Variants in VPS37A observed in about 807,000 individuals in gnomAD.
VPS37A encodes vacuolar protein sorting-associated protein 37A.
Under a neutral mutation model 49.8 loss-of-function variants are expected in VPS37A, and 30 were observed. The ratio of observed to expected loss-of-function variants is 0.60; its 90% CI spans 0.45 to 0.82. The LOEUF is 0.82. Among genes scored for constraint, VPS37A ranks in the 40% least tolerant of loss-of-function variants. The pLI is 0.00. For missense variants in VPS37A, 593 were observed against 464.4 expected (o/e 1.28, Z -2.55); for synonymous variants, 195 against 160.6 (o/e 1.21, Z -1.62).
At chr8:17,309,243 C>T in the VPS37A span, 3 of 1,352,950 alleles carry the variant, frequency 2.2e-6, no homozygotes, top group South Asian at 2.4e-5. Flanking sequence ...TGCTTTTATT[C>T]TAAACATTCA....
At chr8:17,286,620 A>G (rs991809236) in intron 11 of VPS37A, 193 bp downstream of exon 11, 33 of 488,388 alleles carry the variant, frequency 6.8e-5, no homozygotes, top group African/African-American at 5.3e-4. Flanking sequence ...AATCTTTTGG[A>G]TATTTTCTGT....
rs774159110 is a variant in VPS37A, at chr8:17,268,976, A to G, written c.416+20A>G. The G allele has an allele frequency of 6.6e-7, 1 of 1,517,786 alleles. No individual in the cohort carries two copies. Among genetic ancestry groups the G allele is most frequent in the Admixed American group, 2.1e-5 (1 of 47,694 alleles). The allele number at this position is 1,517,786 out of a possible 1,614,324, so 94.0% of individuals were successfully genotyped here. On this transcript the variant is annotated intron_variant, in intron 4 of 11. Coordinates refer to ENST00000324849, the MANE Select transcript of VPS37A (RefSeq NM_152415.3). ...TCCTTAGTAAGTATATTTCTAGTAA[A>G]TAAAAAAGTCTGCCTGTATTTTAAT... is the stretch of plus-strand genomic sequence containing the variant.
At chr8:17,291,028 T>C (rs1286995537) in intron 11 of VPS37A, among the ~76,000 whole-genome samples, 3 of 152,160 alleles carry the variant, frequency 2.0e-5, no homozygotes, top group Non-Finnish European at 4.4e-5. Context: ...GTTGTTGTTG[T>C]TTTGTGATGG....
intron 4 of VPS37A, among the ~76,000 whole-genome samples, chr8:17,273,632 C>T (rs1814225283): frequency 6.6e-6 from 1 of 152,200 alleles, no homozygotes; most frequent in Non-Finnish European, 1.5e-5. Flanking sequence ...TCCCAAAGTG[C>T]TAGGATTACA....
At chr8:17,281,741 T>C (rs1348575509) in intron 9 of VPS37A, among the ~76,000 whole-genome samples, 1 of 152,044 alleles carries the variant, frequency 6.6e-6, no homozygotes, top group Non-Finnish European at 1.5e-5. Flanking sequence ...AGAAATTTTT[T>C]CCTGTTTGCT....
the VPS37A span, among the ~76,000 whole-genome samples, chr8:17,312,066 G>C: frequency 6.6e-6 from 1 of 152,156 alleles, no homozygotes; most frequent in African/African-American, 2.4e-5. Flanking sequence ...TAAAAGGTAA[G>C]CGTCAAGTAA....
chr8:17,261,436 G>A (rs886599129), intron 1 of VPS37A, among the ~76,000 whole-genome samples: 5 of 152,120 alleles, frequency 3.3e-5, no homozygotes, highest in Non-Finnish European at 7.4e-5. Context: ...TGTTCAGAGA[G>A]CTTACATATT....
chr8:17,249,303 G>A (rs1317996871), intron 1 of VPS37A, among the ~76,000 whole-genome samples: 3 of 152,140 alleles, frequency 2.0e-5, no homozygotes, highest in African/African-American at 7.2e-5. Context: ...TCTGGAATTG[G>A]CTTAAGAGGA....
At chr8:17,275,774 C>T (rs1285792705) in intron 5 of VPS37A, among the ~76,000 whole-genome samples, 9 of 152,080 alleles carry the variant, frequency 5.9e-5, no homozygotes, top group Admixed American at 5.9e-4. Flanking sequence ...AAGTATGAAA[C>T]CATAGTATAT....
At chr8:17,259,862 T>A (rs570055140) in intron 1 of VPS37A, among the ~76,000 whole-genome samples, 1 of 152,290 alleles carries the variant, frequency 6.6e-6, no homozygotes, top group South Asian at 2.1e-4. Context: ...ATTTGTAGTC[T>A]GTTTTATTTG....
At chr8:17,301,373 T>G (rs1817101020), downstream of VPS37A, among the ~76,000 whole-genome samples, 1 of 152,168 alleles carries the variant, frequency 6.6e-6, no homozygotes, top group South Asian at 2.1e-4. Flanking sequence ...AGATTTAAAC[T>G]TGGACATTCT....
chr8:17,270,046 G>T (rs966924150), intron 4 of VPS37A, among the ~76,000 whole-genome samples: 4 of 152,142 alleles, frequency 2.6e-5, no homozygotes, highest in African/African-American at 7.2e-5. Context: ...AGTGAGGAGT[G>T]GGGGAGGTAC....
chr8:17,247,793 C>A lies in VPS37A; in HGVS notation c.125+424C>A, dbSNP rs1233130413. ...GTTTCACAAAGAATGGAAAATAGAA[C>A]TGTTGCAACATCAAAGGAAAGGGAA... On this transcript the variant is annotated intron_variant, in intron 1 of 11. Transcript: ENST00000324849. 3 of 702,350 alleles carry A rather than the reference C, an allele frequency of 4.3e-6. No homozygotes were observed. In the Admixed American group the frequency reaches 6.0e-5, roughly 14 times the overall value. 43.5% of individuals were successfully genotyped at this position (702,350 alleles called of 1,614,324 possible).
chr8:17,275,918 T>C (rs1337489920), intron 5 of VPS37A, among the ~76,000 whole-genome samples: 1 of 152,126 alleles, frequency 6.6e-6, no homozygotes, highest in African/African-American at 2.4e-5. Context: ...GTGAACAAAA[T>C]TACAAGAGGA....
At chr8:17,304,309 C>T, downstream of VPS37A, 4 of 1,546,448 alleles carry the variant, frequency 2.6e-6, no homozygotes, top group Non-Finnish European at 2.7e-6. Context: ...ACACTTTGAC[C>T]TCTGAATGTT....
Position 17,276,454 on chromosome 8 carries a change from C to A in VPS37A, c.700C>A (p.Leu234Ile), listed in dbSNP as rs150912414. 423 of 1,611,140 alleles carry A rather than the reference C, an allele frequency of 2.6e-4. No homozygotes were observed. Among genetic ancestry groups the A allele is most frequent in the Non-Finnish European group, 3.1e-4 (365 of 1,178,780 alleles). ...MPDVPDAFPE[L>I]SELSVSQLTD... ...AGATGTCCCTGATGCATTTCCAGAA[C>A]TCTCAGAACTAAGGTAAACCTGGAA... The change falls in exon 6 of 12, where the codon CTC becomes ATC. Residue 234 changes from leucine (L) to isoleucine (I), a missense_variant. By Grantham distance (5) the Leu-to-Ile change is conservative. Transcript: ENST00000324849.
At chr8:17,311,353 GATTAA>G in the VPS37A span, among the ~76,000 whole-genome samples, 1 of 152,100 alleles carries the variant, frequency 6.6e-6, no homozygotes, top group Non-Finnish European at 1.5e-5. Context: ...TAATCTTGCT[GATTAA>G]ATTAATCTTG....
At chr8:17,272,204 T>A in intron 4 of VPS37A, 1 of 391,326 alleles carries the variant, frequency 2.6e-6, no homozygotes, top group Non-Finnish European at 5.0e-6. Flanking sequence ...CATTAGACCT[T>A]CATAATCTTC....
chr8:17,247,947 A>G, intron 1 of VPS37A: 1 of 592,644 alleles, frequency 1.7e-6, no homozygotes, highest in Non-Finnish European at 3.0e-6. Context: ...GTGCATGTAC[A>G]TTTCTCACTT....
Sources: gnomAD v4.1 joint callset for allele counts (sites outside exome capture counted in the v4.1 genomes callset) on GRCh38, gnomAD v4.1.1 for gene constraint, MANE v1.5 for transcripts, NCBI Gene and HGNC (gene_info 2026-07-23, HGNC 2026-07-21) for gene names.